Variants in BCKDHB observed in about 807,000 individuals in gnomAD.
BCKDHB encodes the protein 2-oxoisovalerate dehydrogenase subunit beta, mitochondrial.
BCKDHB carries 41 observed loss-of-function variants against 48.5 expected under a neutral mutation model. That is an observed-to-expected ratio of 0.85 (90% CI 0.66 to 1.10). The LOEUF is 1.10. BCKDHB is among the 50% of genes least tolerant of loss of function. BCKDHB has a pLI of 0.00. For missense variants in BCKDHB, 496 were observed against 494.2 expected, an observed-to-expected ratio of 1.00 and a Z score of -0.03; for synonymous variants, 201 against 174.8, an observed-to-expected ratio of 1.15 and a Z score of -1.18.
At chr6:80,275,736 C>A (rs188169408) in intron 9 of BCKDHB, among the ~76,000 whole-genome samples, 4 of 151,590 alleles carry the variant, frequency 2.6e-5, no homozygotes, top group East Asian at 1.9e-4. Flanking sequence ...ATAAAATATA[C>A]CTTTCAGTAA....
At chr6:80,427,869 C>A in the BCKDHB span, among the ~76,000 whole-genome samples, 1 of 152,068 alleles carries the variant, frequency 6.6e-6, no homozygotes, top group South Asian at 2.1e-4. Context: ...TCCCCTTCCT[C>A]TGGCTGATTC....
the BCKDHB span, among the ~76,000 whole-genome samples, chr6:80,433,800 G>C: frequency 6.6e-6 from 1 of 152,124 alleles, no homozygotes; most frequent in African/African-American, 2.4e-5. Flanking sequence ...TCAGTACTTT[G>C]TGTGTGATGC....
chr6:80,440,469 T>G, the BCKDHB span, among the ~76,000 whole-genome samples: 26 of 152,154 alleles, frequency 1.7e-4, no homozygotes, highest in African/African-American at 6.3e-4. Context: ...GGATTTAAAT[T>G]CTGTTGGTTT....
chr6:80,322,401 G>C (rs1768786646), intron 9 of BCKDHB, among the ~76,000 whole-genome samples: 1 of 151,860 alleles, frequency 6.6e-6, no homozygotes, highest in African/African-American at 2.4e-5. Flanking sequence ...ACTACGCCTG[G>C]CTAATTTTTG....
the BCKDHB span, among the ~76,000 whole-genome samples, chr6:80,391,138 G>T: frequency 6.6e-6 from 1 of 151,184 alleles, no homozygotes; most frequent in African/African-American, 2.4e-5. Flanking sequence ...CTGGAACCTT[G>T]TGATTGTGTA....
At chr6:80,191,243 G>A (rs1298179688) in intron 6 of BCKDHB, among the ~76,000 whole-genome samples, 3 of 152,124 alleles carry the variant, frequency 2.0e-5, no homozygotes, top group East Asian at 3.8e-4. Context: ...AAGGAATTTT[G>A]CAGTCTAATA....
At chr6:80,106,652 G>C (rs967393914), upstream of BCKDHB, 18 of 1,540,448 alleles carry the variant, frequency 1.2e-5, no homozygotes, top group Non-Finnish European at 8.8e-7. Context: ...CCCGCAGGCG[G>C]CGTGCGGCTG....
intron 9 of BCKDHB, among the ~76,000 whole-genome samples, chr6:80,319,314 T>G (rs1206016230): frequency 6.6e-6 from 1 of 152,232 alleles, no homozygotes; most frequent in African/African-American, 2.4e-5. Flanking sequence ...ATCCTTAGTT[T>G]TTCCATTAGT....
intron 3 of BCKDHB, among the ~76,000 whole-genome samples, chr6:80,134,728 C>T (rs1332045491): frequency 6.6e-6 from 1 of 150,414 alleles, no homozygotes; most frequent in African/African-American, 2.5e-5. Context: ...GTCCCTTTTC[C>T]AGCGTTTTGT....
At chr6:80,325,450 G>A (rs1231403284) in intron 9 of BCKDHB, among the ~76,000 whole-genome samples, 1 of 152,200 alleles carries the variant, frequency 6.6e-6, no homozygotes, top group Non-Finnish European at 1.5e-5. Flanking sequence ...ACAAATGCTA[G>A]TAAGAATTTT....
At chr6:80,202,183 C>A (rs374230395) in intron 7 of BCKDHB, among the ~76,000 whole-genome samples, 9 of 152,222 alleles carry the variant, frequency 5.9e-5, no homozygotes, top group African/African-American at 1.9e-4. Flanking sequence ...GCTTCTAATT[C>A]TTTCCTTCTT....
At chr6:80,452,633 C>T in the BCKDHB span, among the ~76,000 whole-genome samples, 3 of 152,104 alleles carry the variant, frequency 2.0e-5, no homozygotes, top group African/African-American at 7.2e-5. Flanking sequence ...CAGAAGCATT[C>T]TTTAGTTCTT....
chr6:80,232,764 T>C (rs1374696169), intron 8 of BCKDHB, among the ~76,000 whole-genome samples: 1 of 34,654 alleles, frequency 2.9e-5, no homozygotes, highest in Non-Finnish European at 7.3e-5. Context: ...ATGTTATAGA[T>C]ATAACATCTA....
intron 6 of BCKDHB, among the ~76,000 whole-genome samples, chr6:80,183,564 A>T (rs1773510196): frequency 6.6e-6 from 1 of 152,164 alleles, no homozygotes; most frequent in East Asian, 1.9e-4. Context: ...TCAGAGTTGT[A>T]CATTTTTTAC....
chr6:80,257,998 A>C (rs1777130959), intron 8 of BCKDHB, among the ~76,000 whole-genome samples: 1 of 151,944 alleles, frequency 6.6e-6, no homozygotes, highest in South Asian at 2.1e-4. Context: ...ATTTATTATA[A>C]AAATCTATAA....
chr6:80,443,567 T>C, the BCKDHB span: 2 of 152,218 alleles, frequency 1.3e-5, no homozygotes, highest in African/African-American at 4.8e-5. Context: ...CTGCTTATAT[T>C]TGGATTTTTT....
chr6:80,254,769 A>G (rs1776980371), intron 8 of BCKDHB, among the ~76,000 whole-genome samples: 1 of 152,200 alleles, frequency 6.6e-6, no homozygotes. Context: ...AATGCCAGAA[A>G]TCCCCAGAAA....
chr6:80,437,302 G>A, the BCKDHB span, among the ~76,000 whole-genome samples: 1 of 152,128 alleles, frequency 6.6e-6, no homozygotes, highest in African/African-American at 2.4e-5. Context: ...ACAATCTTCA[G>A]AGCATTATCA....
intron 8 of BCKDHB, among the ~76,000 whole-genome samples, chr6:80,238,080 A>G (rs1489327760): frequency 6.6e-6 from 1 of 151,988 alleles, no homozygotes; most frequent in Non-Finnish European, 1.5e-5. Context: ...AAGAGTATTG[A>G]GGAGATTTTA....
Sources: allele counts gnomAD v4.1 joint callset (sites outside exome capture counted in the v4.1 genomes callset), GRCh38; gene constraint gnomAD v4.1.1; transcripts MANE v1.5; gene names NCBI Gene and HGNC (gene_info 2026-07-23, HGNC 2026-07-21).